The following SPTA1 variants were observed in gnomAD, a reference collection of about 807,000 sequenced individuals.
The protein encoded by SPTA1 is spectrin alpha chain, erythrocytic 1.
A neutral mutation model predicts 324.7 loss-of-function variants in SPTA1; 177 were observed. The ratio of observed to expected loss-of-function variants is 0.55; its 90% CI spans 0.48 to 0.62. The LOEUF is 0.62. Among genes scored for constraint, SPTA1 ranks in the 20% least tolerant of loss-of-function variants. The pLI is 0.00. For missense variants in SPTA1, 3,162 were observed against 2,883.6 expected (o/e 1.10, Z -2.21); for synonymous variants, 1,195 against 1,041.3 (o/e 1.15, Z -2.84).
At chr1:158,654,449 A>C (rs1652682140) in intron 21 of SPTA1, among the ~76,000 whole-genome samples, 162 bp downstream of exon 21, 1 of 152,212 alleles carries the variant, frequency 6.6e-6, no homozygotes, top group South Asian at 2.1e-4. Context: ...AGGATCCTGC[A>C]AAATATCTAC....
At chr1:158,613,031 T>C in intron 50 of SPTA1, 70 bp from the exon 51 acceptor site, 1 of 1,535,068 alleles carries the variant, frequency 6.5e-7, no homozygotes, top group South Asian at 1.1e-5. Flanking sequence ...TTAATCCTAC[T>C]CAGTGTCTCA....
At chr1:158,642,759 C>T (rs544958891) in intron 32 of SPTA1, 55 bp downstream of exon 32, 10 of 1,613,008 alleles carry the variant, frequency 6.2e-6, no homozygotes, top group Non-Finnish European at 7.6e-6. Context: ...TGATGACTAT[C>T]CAACCAACAA....
At position 158,681,544 on chromosome 1, in the gene SPTA1, C is replaced by G; in HGVS notation, c.514G>C (p.Glu172Gln). 1 of 1,613,702 alleles carries G rather than the reference C, an allele frequency of 6.2e-7. No individual in the cohort carries two copies. The highest frequency in any genetic ancestry group is 8.5e-7 in the Non-Finnish European group (1 of 1,179,718). ...TTCGATACCTTGTCTCCAATCCACT[C>G]TAAGATGTCAGCACACTCCTGTACA... ...QYVQECADIL[E>Q]WIGDKEAIAT... The change falls in exon 4 of 52, where the codon GAG (glutamate) becomes CAG (glutamine). Residue 172 changes from glutamate (E) to glutamine (Q), a missense_variant. Transcript: ENST00000643759.
chr1:158,654,538 A>C, intron 21 of SPTA1, 73 bp downstream of exon 21: 7 of 1,589,480 alleles, frequency 4.4e-6, no homozygotes, highest in Non-Finnish European at 6.0e-6. Context: ...AAAAATATGA[A>C]TATCTGGCAG....
intron 17 of SPTA1, 149 bp from the exon 18 acceptor site, chr1:158,661,558 G>C: frequency 1.0e-6 from 1 of 1,003,166 alleles, no homozygotes. Flanking sequence ...TCATCTGTCT[G>C]ATTTCACTCT....
At chr1:158,659,618 T>TTTTTTTTTTTTTTTTTTTTTTTTTTTTC (rs1653071077) in intron 18 of SPTA1, among the ~76,000 whole-genome samples, 1 of 93,320 alleles carries the variant, frequency 1.1e-5, no homozygotes, top group African/African-American at 3.5e-5. Flanking sequence ...TTTTTTTTTT[T>TTTTTTTTTTTTTTTTTTTTTTTTTTTTC]TTTGAGACGG....
At chr1:158,679,700 C>T (rs1654657592) in intron 5 of SPTA1, among the ~76,000 whole-genome samples, 1 of 152,022 alleles carries the variant, frequency 6.6e-6, no homozygotes, top group Non-Finnish European at 1.5e-5. Context: ...GAAAACAGCC[C>T]AGCAGAGCAG....
rs755782111 is a variant in SPTA1 at position 158,661,395 on chromosome 1, C to G, written c.2479G>C (p.Ala827Pro). 11 of 1,613,868 alleles carry G rather than the reference C, an allele frequency of 6.8e-6. 1 individual carries two copies. The highest frequency in any genetic ancestry group is 8.5e-6 in the Non-Finnish European group (10 of 1,179,860). ...TGCCTATTCAGAAGCTTTTTGGAAG[C>G]AATCAGGTCCTTTCCTGCAGAGGAA... ...TSTYLGKDLI[A>P]SKKLLNRHRV... The change falls in exon 18 of 52, where the codon GCT becomes CCT. Residue 827 changes from alanine (A) to proline (P), a missense_variant. Ala to Pro is a conservative substitution (Grantham distance 27). Transcript: ENST00000643759.
intron 24 of SPTA1, among the ~76,000 whole-genome samples, chr1:158,650,871 A>G (rs953168130): frequency 1.3e-5 from 2 of 152,216 alleles, no homozygotes; most frequent in Non-Finnish European, 2.9e-5. Context: ...AGGTTTGGAT[A>G]TTGTAATTTG....
At chr1:158,622,457 T>C (rs1022275495) in intron 43 of SPTA1, among the ~76,000 whole-genome samples, 9 of 152,170 alleles carry the variant, frequency 5.9e-5, no homozygotes, top group Non-Finnish European at 1.3e-4. Context: ...ATTACACTTT[T>C]AGATTCATTA....
intron 5 of SPTA1, among the ~76,000 whole-genome samples, chr1:158,679,006 T>G (rs747905541): frequency 3.3e-5 from 5 of 152,176 alleles, no homozygotes; most frequent in Non-Finnish European, 7.4e-5. Flanking sequence ...GACACGTGCT[T>G]TCACGTATGA....
intron 21 of SPTA1, among the ~76,000 whole-genome samples, chr1:158,654,147 A>T (rs1395095998): frequency 1.3e-5 from 2 of 152,208 alleles, no homozygotes; most frequent in East Asian, 3.8e-4. Context: ...AAAAATCTCA[A>T]CCAATATTTT....
chr1:158,638,120 A>T lies in SPTA1; in HGVS notation c.5102T>A (p.Leu1701Ter), dbSNP rs200748323. 6 of 1,614,056 alleles carry T rather than the reference A, an allele frequency of 3.7e-6. No homozygotes were observed. The highest frequency in any genetic ancestry group is 5.1e-6 in the Non-Finnish European group (6 of 1,179,978). Reference protein sequence around the residue: ...VNKRFLNVQELAAAHHEKLKE... With the variant: ...VNKRFLNVQE The stretch of plus-strand genomic sequence containing the variant: ...CAATTTTTCGTGGTGTGCAGCTGCC[A>T]ATTCTTGGACATTCAGGAAACGCTT... Residue 1701 changes from leucine to a stop codon, truncating the protein, a stop_gained, in exon 36 of 52, where the codon TTG (leucine) becomes TAG (stop). Coordinates refer to ENST00000643759, the MANE Select transcript of SPTA1 (RefSeq NM_003126.4). LOFTEE classifies it high-confidence loss of function.
At chr1:158,628,612 A>G (rs1331282969) in intron 39 of SPTA1, among the ~76,000 whole-genome samples, 2 of 152,162 alleles carry the variant, frequency 1.3e-5, no homozygotes, top group African/African-American at 4.8e-5. Flanking sequence ...TGAATATTGG[A>G]AAGGTGATTG....
intron 25 of SPTA1, 112 bp from the exon 26 acceptor site, chr1:158,648,765 C>G: frequency 3.6e-6 from 4 of 1,114,300 alleles, no homozygotes; most frequent in East Asian, 2.7e-5. Flanking sequence ...CCCACCCACC[C>G]CCCCACCCCA....
chr1:158,681,415 G>A (rs1321380345), intron 4 of SPTA1, 112 bp downstream of exon 4: 3 of 1,555,702 alleles, frequency 1.9e-6, no homozygotes, highest in African/African-American at 2.7e-5. Context: ...AAAGAACAAA[G>A]CCAGGAACAG....
intron 3 of SPTA1, among the ~76,000 whole-genome samples, chr1:158,681,878 T>A (rs1257829739): frequency 6.6e-6 from 1 of 152,188 alleles, no homozygotes; most frequent in Non-Finnish European, 1.5e-5. Flanking sequence ...AGAGAACAAT[T>A]TGTAAAAATG....
At chr1:158,686,225 G>A (rs1655164498) in intron 1 of SPTA1, among the ~76,000 whole-genome samples, 1 of 152,162 alleles carries the variant, frequency 6.6e-6, no homozygotes, top group Non-Finnish European at 1.5e-5. Flanking sequence ...ATTACATGGA[G>A]ACTCACGTTG....
intron 7 of SPTA1, among the ~76,000 whole-genome samples, chr1:158,676,767 A>G (rs1654418915): frequency 6.6e-6 from 1 of 152,186 alleles, no homozygotes; most frequent in Non-Finnish European, 1.5e-5. Context: ...GATAATTTTC[A>G]GCACAACCTC....
Sources: gnomAD v4.1 joint callset for allele counts (sites outside exome capture counted in the v4.1 genomes callset) on GRCh38, gnomAD v4.1.1 for gene constraint, MANE v1.5 for transcripts, NCBI Gene and HGNC (gene_info 2026-07-23, HGNC 2026-07-21) for gene names.